DNAH17: variants seen among roughly 807,000 people sequenced by gnomAD.
DNAH17 encodes the protein dynein axonemal heavy chain 17.
In DNAH17, 376 loss-of-function variants were observed where a neutral mutation model predicts 485.6. The ratio of observed to expected loss-of-function variants is 0.77; its 90% CI spans 0.71 to 0.84. The LOEUF (loss-of-function observed/expected upper bound fraction) is 0.84, where lower values mean the gene tolerates loss of function less well. DNAH17 is among the 40% of genes least tolerant of loss of function. The pLI, the probability that DNAH17 is intolerant of heterozygous loss-of-function variation, is 0.00. For synonymous variants in DNAH17, 3,031 were observed against 2,405.9 expected (o/e 1.26, Z -7.60); for missense variants, 6,370 against 5,839.3 (o/e 1.09, Z -2.96).
chr17:78,566,618 G>C lies in DNAH17; in HGVS notation c.1565C>G (p.Ala522Gly). The stretch of plus-strand genomic sequence containing the variant: ...GCGTCTCCACTGCATGCTTACCTTT[G>C]CGGAGGACTTGATACAGCTGCAGTC... ...FDDCSCIKSS[A>G]KLLYMCGGLM... The change falls in exon 11 of 81, where the codon GCA becomes GGA. Residue 522 changes from alanine (A) to glycine (G), a missense_variant. Coordinates refer to ENST00000389840, the MANE Select transcript of DNAH17 (RefSeq NM_173628.4). 5 of 1,603,126 alleles carry C rather than the reference G, an allele frequency of 3.1e-6. No homozygotes were observed. Among genetic ancestry groups the C allele is most frequent in the Non-Finnish European group, 4.3e-6 (5 of 1,174,098 alleles).
chr17:78,552,226 A>C (rs1209702444), intron 15 of DNAH17, among the ~76,000 whole-genome samples: 1 of 152,234 alleles, frequency 6.6e-6, no homozygotes, highest in Non-Finnish European at 1.5e-5. Context: ...CTCTGGGAGC[A>C]TCAGAGATGG....
Position 78,560,486 on chromosome 17 carries a change from C to T in DNAH17, c.2031+254G>A, listed in dbSNP as rs559020067. On this transcript the variant is annotated intron_variant, in intron 13 of 80. Coordinates refer to ENST00000389840, the MANE Select transcript of DNAH17 (RefSeq NM_173628.4). ...GATTCGGCAAAGACTTTTTCCCCCC[C>T]CCCAGTTTCAAATTGTCATTTCTTC... 3.0e-4 allele frequency among the ~76,000 whole-genome samples: 45 copies of T among 152,150 alleles called. No individual in the cohort carries two copies. In the East Asian group the frequency reaches 7.7e-3, roughly 26 times the overall value.
At chr17:78,429,814 T>TA (rs1331563511) in intron 75 of DNAH17, among the ~76,000 whole-genome samples, 1 of 152,194 alleles carries the variant, frequency 6.6e-6, no homozygotes, top group Non-Finnish European at 1.5e-5. Context: ...AGTCATGTCT[T>TA]CAGATGCATC....
At chr17:78,571,103 C>A (rs1350582871) in intron 5 of DNAH17, 70 bp from the exon 6 acceptor site, 13 of 1,424,918 alleles carry the variant, frequency 9.1e-6, no homozygotes, top group Non-Finnish European at 1.3e-5. Flanking sequence ...GAGGGTGCGG[C>A]TCCATGTGCT....
Position 78,475,834 on chromosome 17 carries a change from C to T in DNAH17, c.8155-1G>A. On this transcript the variant is annotated splice_acceptor_variant, in intron 52 of 80. Coordinates refer to ENST00000389840, the MANE Select transcript of DNAH17 (RefSeq NM_173628.4). LOFTEE classifies it high-confidence loss of function. ...CAAATAAGAGTTCATCACCAAGATC[C>T]TAGAAAAAGAAAAAAAAAGACGATA... The T allele has an allele frequency of 6.2e-7, 1 of 1,603,884 alleles. No individual in the cohort carries two copies. Among genetic ancestry groups the T allele is most frequent in the Non-Finnish European group, 8.5e-7 (1 of 1,177,098 alleles).
Position 78,459,086 on chromosome 17 carries a change from G to A in DNAH17, c.9776C>T (p.Ala3259Val), listed in dbSNP as rs151161879. ...VRFYEVYCDV[A>V]PKRQALEEAN... ...CTCCTCCAGTGCCTGCCTCTTGGGC[G>A]CCACGTCGCAGTAGACCTCGTAGAA... The change falls in exon 61 of 81, where the codon GCG (alanine) becomes GTG (valine). Residue 3259 changes from alanine to valine, a missense_variant. Physicochemically the swap from Ala to Val is moderately conservative, Grantham distance 64 (BLOSUM62 0). Transcript: ENST00000389840. 4.1e-4 allele frequency: 666 copies of A among 1,614,002 alleles called. 8 individuals carry two copies. The East Asian group carries it at 0.012, about 29-fold the overall frequency.
Position 78,476,694 on chromosome 17 carries a change from G to A in DNAH17, c.8032C>T (p.Leu2678=). 1 of 1,613,098 alleles carries A rather than the reference G, an allele frequency of 6.2e-7. No homozygotes were observed. The highest frequency in any genetic ancestry group is 1.7e-4 in the Middle Eastern group (1 of 6,060). ...FSTAEVLKTP[L]DLVRLWLHET... ...TGTAGCCAAAGGCGGACGAGGTCCA[G>A]TGGGGTTTTCAGAACTTCTGCTGTG... The change falls in exon 52 of 81, where the codon CTG becomes TTG. Residue 2678 remains leucine (L), a synonymous_variant. Coordinates refer to ENST00000389840, the MANE Select transcript of DNAH17 (RefSeq NM_173628.4).
chr17:78,424,140 G>A lies in DNAH17; in HGVS notation c.13155C>T (p.Asp4385=), dbSNP rs1237051468. 6.2e-7 allele frequency: 1 copy of A among 1,611,460 alleles called. No individual in the cohort carries two copies. Among genetic ancestry groups the A allele is most frequent in the Non-Finnish European group, 8.5e-7 (1 of 1,179,062 alleles). Residue 4385 remains aspartate, a synonymous_variant, in exon 81 of 81, where the codon GAC becomes GAT. Coordinates refer to ENST00000389840, the MANE Select transcript of DNAH17 (RefSeq NM_173628.4). The part of the protein sequence containing the change: ...YGLFMEGARW[D]TQTGVIAEAR... The stretch of plus-strand genomic sequence containing the variant: ...CTTCAGCGATGACTCCAGTCTGGGT[G>A]TCCCAGCGAGCCCCTGCAGGGACAG...
At chr17:78,556,026 C>T (rs2092013971) in intron 14 of DNAH17, among the ~76,000 whole-genome samples, 1 of 152,158 alleles carries the variant, frequency 6.6e-6, no homozygotes, top group Admixed American at 6.5e-5. Context: ...GACTTCTTAC[C>T]CTCTGTAATT....
chr17:78,511,055 C>A (rs1204120356), intron 26 of DNAH17, among the ~76,000 whole-genome samples: 1 of 152,242 alleles, frequency 6.6e-6, no homozygotes, highest in African/African-American at 2.4e-5. Flanking sequence ...AGAAGGAGTG[C>A]AGCCTGCTGA....
chr17:78,557,189 C>T (rs984880045), intron 14 of DNAH17, among the ~76,000 whole-genome samples: 3 of 152,206 alleles, frequency 2.0e-5, no homozygotes, highest in Non-Finnish European at 2.9e-5. Context: ...ACACAGCTTC[C>T]TCATGATAAT....
rs60587420 is a variant in DNAH17 at position 78,553,283 on chromosome 17, G to GTTTTTTTTTTTTT, written c.2179-491_2179-479dup. ...AAATTACCCAGTCCCAGGTTTTTGTGTTTTTTTTTTTTTTTTTTTTTTTTT... is the reference window on the plus strand; with the variant it reads ...AAATTACCCAGTCCCAGGTTTTTGTGTTTTTTTTTTTTTTTTTTTTTTTTTTTTTTTTTTTTTT... On this transcript the variant is annotated intron_variant, in intron 14 of 80. Coordinates refer to ENST00000389840, the MANE Select transcript of DNAH17 (RefSeq NM_173628.4). Among the ~76,000 whole-genome samples the GTTTTTTTTTTTTT allele has an allele frequency of 7.6e-4, 39 of 51,034 alleles. 9 individuals are homozygous for GTTTTTTTTTTTTT. Among genetic ancestry groups the GTTTTTTTTTTTTT allele is most frequent in the South Asian group, 1.3e-3 (2 of 1,496 alleles). The allele number at this position is 51,034 out of a possible 152,430, so 33.5% of individuals were successfully genotyped here. A position where few individuals can be genotyped will look rare whatever the true frequency, so the allele number is the denominator to read the frequency against.
intron 79 of DNAH17, among the ~76,000 whole-genome samples, chr17:78,426,216 G>A (rs541677711): frequency 3.3e-4 from 50 of 151,434 alleles, no homozygotes; most frequent in African/African-American, 1.1e-3. Flanking sequence ...GGTCGCTTGA[G>A]GAGGAGCTGA....
At chr17:78,521,394 G>C (rs529596024) in intron 25 of DNAH17, among the ~76,000 whole-genome samples, 8 of 152,142 alleles carry the variant, frequency 5.3e-5, no homozygotes, top group African/African-American at 1.9e-4. Context: ...TGACAAGAGC[G>C]ACACTCCATC....
rs1568117307 is a variant in DNAH17, at chr17:78,478,002, T to TCAC, written c.7992+1022_7992+1023insGTG. On this transcript the variant is annotated intron_variant, in intron 51 of 80. Transcript: ENST00000389840. ...ATCATCACCACCATCACCACCACCA[T>TCAC]CATCACCATCATCACCATCACCACC... Among the ~76,000 whole-genome samples, 359 of 88,604 alleles carry TCAC rather than the reference T, an allele frequency of 4.1e-3. 5 individuals are homozygous for TCAC. The highest frequency in any genetic ancestry group is 0.025 in the African/African-American group (326 of 13,124). The allele number at this position is 88,604 out of a possible 152,430, so 58.1% of individuals were successfully genotyped here.
intron 74 of DNAH17, among the ~76,000 whole-genome samples, chr17:78,436,838 C>G (rs548362426): frequency 8.6e-6 from 1 of 115,872 alleles, no homozygotes; most frequent in African/African-American, 3.2e-5. Flanking sequence ...GAGTGAGACT[C>G]CATCTCCAAA....
intron 36 of DNAH17, chr17:78,500,082 G>C (rs543270780): frequency 3.8e-6 from 2 of 525,300 alleles, no homozygotes; most frequent in Non-Finnish European, 6.7e-6. Flanking sequence ...AGGGGCTGGG[G>C]CAGGACATTT....
At chr17:78,473,775 C>G (rs139181645) in intron 54 of DNAH17, among the ~76,000 whole-genome samples, 1,737 of 152,198 alleles carry the variant, frequency 0.011, 17 homozygotes, top group Non-Finnish European at 0.016. Flanking sequence ...CCGTCATGAA[C>G]GTAAACCAAC....
chr17:78,458,101 G>C (rs1191583818), intron 62 of DNAH17, among the ~76,000 whole-genome samples: 1 of 152,264 alleles, frequency 6.6e-6, no homozygotes, highest in African/African-American at 2.4e-5. Flanking sequence ...ACTGTGCCCA[G>C]CCAGCCTCTG....
Sources: gnomAD v4.1 joint callset for allele counts (sites outside exome capture counted in the v4.1 genomes callset) on GRCh38, gnomAD v4.1.1 for gene constraint, MANE v1.5 for transcripts, NCBI Gene and HGNC (gene_info 2026-07-23, HGNC 2026-07-21) for gene names.